The following ARHGAP32 variants were observed in gnomAD, a reference collection of about 807,000 sequenced individuals.
ARHGAP32 encodes Rho GTPase activating protein 32, also known as rho GTPase-activating protein 32.
ARHGAP32 carries 51 observed loss-of-function variants against 186.5 expected under a neutral mutation model. The ratio of observed to expected loss-of-function variants is 0.27; its 90% confidence interval spans 0.22 to 0.35. The LOEUF (loss-of-function observed/expected upper bound fraction) is 0.35, where lower values mean the gene tolerates loss of function less well. Ranked by LOEUF, ARHGAP32 falls within the 10% of genes least tolerant of loss-of-function variation. The pLI is 1.00. For synonymous variants in ARHGAP32, 950 were observed against 964.3 expected (o/e 0.99, Z 0.27); for missense variants, 2,186 against 2,623.5 (o/e 0.83, Z 3.64).
chr11:129,050,976 C>CT lies in ARHGAP32; in HGVS notation c.964-9968dup, dbSNP rs970908747. Among the ~76,000 whole-genome samples, 4 of 152,072 alleles carry CT rather than the reference C, an allele frequency of 2.6e-5. No homozygotes were observed. In the South Asian group the frequency reaches 6.2e-4, roughly 24 times the overall value. On this transcript the variant is annotated intron_variant, in intron 10 of 22. Coordinates refer to ENST00000682385, the MANE Select transcript of ARHGAP32 (RefSeq NM_001378024.1). ...TCCCTGCAAAGGACATGAACCCATC[C>CT]TTTTTTTATGGCTGCATAGTATTCC... is the stretch of plus-strand genomic sequence containing the variant.
At chr11:128,985,070 G>T (rs1411118208) in intron 15 of ARHGAP32, among the ~76,000 whole-genome samples, 1 of 152,044 alleles carries the variant, frequency 6.6e-6, no homozygotes, top group Non-Finnish European at 1.5e-5. Context: ...GTCCAGCTGG[G>T]GTGCAGTGGC....
At chr11:129,009,795 G>A (rs1373648080) in intron 11 of ARHGAP32, among the ~76,000 whole-genome samples, 2 of 152,034 alleles carry the variant, frequency 1.3e-5, no homozygotes, top group African/African-American at 4.8e-5. Flanking sequence ...TGCAGTGAAC[G>A]TACGGGTGCG....
At chr11:129,236,139 T>A (rs140186417) in intron 1 of ARHGAP32, among the ~76,000 whole-genome samples, 109 of 152,324 alleles carry the variant, frequency 7.2e-4, no homozygotes, top group African/African-American at 2.4e-3. Context: ...CTTTAAGGAA[T>A]CTCCACACTG....
At chr11:129,022,053 G>A (rs1364194683) in intron 11 of ARHGAP32, among the ~76,000 whole-genome samples, 1 of 151,966 alleles carries the variant, frequency 6.6e-6, no homozygotes, top group East Asian at 1.9e-4. Flanking sequence ...AGTACTACTT[G>A]ATAAGAAGCT....
Position 128,973,050 on chromosome 11 carries a change from A to C in ARHGAP32, c.3456T>G (p.Ser1152=), listed in dbSNP as rs1178387987. Residue 1152 remains serine, a synonymous_variant, in exon 22 of 23, where the codon TCT becomes TCG. Coordinates refer to ENST00000682385, the MANE Select transcript of ARHGAP32 (RefSeq NM_001378024.1). ...GDPTHSNTTE[S]GEQHHQVDLT... ...AGTCTACTTGGTGATGTTGCTCCCC[A>C]GATTCAGTTGTGTTGGAATGGGTAG... The C allele has an allele frequency of 6.2e-7, 1 of 1,613,990 alleles. No homozygotes were observed. The highest frequency in any genetic ancestry group is 2.2e-5 in the East Asian group (1 of 44,874).
intron 10 of ARHGAP32, among the ~76,000 whole-genome samples, chr11:129,048,658 G>A (rs1375793935): frequency 6.6e-6 from 1 of 152,174 alleles, no homozygotes; most frequent in Non-Finnish European, 1.5e-5. Flanking sequence ...GGGAGGAACA[G>A]TGGAATGATA....
intron 11 of ARHGAP32, among the ~76,000 whole-genome samples, chr11:129,027,561 C>G (rs1376717205): frequency 6.6e-6 from 1 of 152,192 alleles, no homozygotes; most frequent in African/African-American, 2.4e-5. Flanking sequence ...TATCATTACA[C>G]CTGCTGTTCC....
chr11:128,971,487 T>C (rs1438196684), intron 22 of ARHGAP32: 1 of 247,332 alleles, frequency 4.0e-6, no homozygotes, highest in Non-Finnish European at 7.8e-6. Flanking sequence ...AGCTTAAAAA[T>C]ACATACCCGG....
At chr11:128,985,328 AT>A (rs1945832655) in intron 15 of ARHGAP32, among the ~76,000 whole-genome samples, 1 of 152,028 alleles carries the variant, frequency 6.6e-6, no homozygotes. Context: ...TATAGTGCTG[AT>A]TTTTGAAATA....
intron 5 of ARHGAP32, among the ~76,000 whole-genome samples, chr11:129,100,703 G>A (rs945157818): frequency 3.3e-5 from 5 of 152,016 alleles, no homozygotes; most frequent in African/African-American, 4.8e-5. Context: ...AGAGAACAGC[G>A]AATCCTCTCC....
intron 2 of ARHGAP32, among the ~76,000 whole-genome samples, chr11:129,153,465 C>G (rs897202042): frequency 6.6e-6 from 1 of 152,078 alleles, no homozygotes; most frequent in Non-Finnish European, 1.5e-5. Context: ...GGAGGCATCA[C>G]ATTACTCAAC....
At chr11:128,997,117 T>C (rs1270577078) in intron 12 of ARHGAP32, among the ~76,000 whole-genome samples, 6 of 152,218 alleles carry the variant, frequency 3.9e-5, no homozygotes, top group Non-Finnish European at 8.8e-5. Flanking sequence ...TGTTTTAATA[T>C]ATAGTAAAAC....
At chr11:129,246,862 T>C (rs1390331629) in intron 1 of ARHGAP32, among the ~76,000 whole-genome samples, 2 of 152,238 alleles carry the variant, frequency 1.3e-5, no homozygotes, top group African/African-American at 2.4e-5. Flanking sequence ...AACGTGTCTC[T>C]ACCATGAACC....
At chr11:129,267,022 A>G (rs947153555) in intron 1 of ARHGAP32, among the ~76,000 whole-genome samples, 1 of 152,172 alleles carries the variant, frequency 6.6e-6, no homozygotes, top group Non-Finnish European at 1.5e-5. Flanking sequence ...GCACATGCAA[A>G]CTTCATAGTT....
At chr11:129,104,791 G>C (rs959733262) in intron 5 of ARHGAP32, among the ~76,000 whole-genome samples, 5 of 152,096 alleles carry the variant, frequency 3.3e-5, no homozygotes, top group Admixed American at 2.6e-4. Flanking sequence ...CAATCTCTCA[G>C]AGTCAACTTT....
chr11:128,970,189 T>C lies in ARHGAP32; in HGVS notation c.5024A>G (p.Tyr1675Cys), dbSNP rs1022492381. 6.2e-7 allele frequency: 1 copy of C among 1,614,110 alleles called. No individual in the cohort carries two copies. The highest frequency in any genetic ancestry group is 1.3e-5 in the African/African-American group (1 of 75,004). Residue 1675 changes from tyrosine (Y) to cysteine (C), a missense_variant, in exon 23 of 23, where the codon TAC (tyrosine) becomes TGC (cysteine). Physicochemically the swap from Tyr to Cys is radical, Grantham distance 194 (BLOSUM62 -2). Coordinates refer to ENST00000682385, the MANE Select transcript of ARHGAP32 (RefSeq NM_001378024.1). The surrounding 1 kb of genome is among the most constrained non-coding windows in gnomAD (Gnocchi z 5.8). ...SPYSSSSSSY[Y>C]SPDGALCDVD... is the part of the protein sequence containing the mutation. ...ATCACACAGGGCCCCATCTGGACTG[T>C]AATAGGAACTAGAAGAACTGGAATA...
At chr11:129,162,818 T>C (rs1943558751) in intron 2 of ARHGAP32, among the ~76,000 whole-genome samples, 1 of 152,156 alleles carries the variant, frequency 6.6e-6, no homozygotes, top group South Asian at 2.1e-4. Flanking sequence ...ACAACTAGTA[T>C]TCTGAGAATC....
chr11:129,124,371 T>A (rs889956193), intron 3 of ARHGAP32, among the ~76,000 whole-genome samples: 1 of 152,170 alleles, frequency 6.6e-6, no homozygotes, highest in African/African-American at 2.4e-5. Context: ...TTGGATTTCA[T>A]AGCTTCAGAT....
rs150090842 is a variant in ARHGAP32, at chr11:128,973,400, C to T, written c.3106G>A (p.Val1036Ile). The T allele has an allele frequency of 2.7e-5, 44 of 1,613,412 alleles. No homozygotes were observed. The highest frequency in any genetic ancestry group is 4.5e-5 in the East Asian group (2 of 44,870). ...ATAAGAGAGACTGAACTGACAGGAA[C>T]GGAATCCTGAGGGGGGTCATGGGTA... ...AVTHDPPQDS[V>I]PVSSVSLIPP... is the part of the protein sequence containing the mutation. The change falls in exon 22 of 23, where the codon GTT (valine) becomes ATT (isoleucine). Residue 1036 changes from valine (V) to isoleucine (I), a missense_variant. This residue lies in a region of ARHGAP32 where 1,502 missense variants were observed against 1,570.0 expected (regional missense o/e 0.96). Coordinates refer to ENST00000682385, the MANE Select transcript of ARHGAP32 (RefSeq NM_001378024.1).
Sources: allele counts gnomAD v4.1 joint callset (sites outside exome capture counted in the v4.1 genomes callset), GRCh38; gene constraint gnomAD v4.1.1; regional missense constraint gnomAD v4.1.1; non-coding constraint Gnocchi (gnomAD v3.1); transcripts MANE v1.5; gene names NCBI Gene and HGNC (gene_info 2026-07-23, HGNC 2026-07-21).